Variants in BNIP3L observed in about 807,000 individuals in gnomAD.
BNIP3L encodes the protein BCL2 interacting protein 3 like, also known as BCL2/adenovirus E1B 19 kDa protein-interacting protein 3-like.
BNIP3L carries 10 observed loss-of-function variants against 25.5 expected under a neutral mutation model. The observed-to-expected ratio is 0.39, with a 90% CI of 0.24 to 0.67. The LOEUF (loss-of-function observed/expected upper bound fraction) is 0.67. Among genes scored for constraint, BNIP3L ranks in the 30% least tolerant of loss-of-function variants. The pLI is 0.45. For synonymous variants in BNIP3L, 113 were observed against 101.2 expected, an observed-to-expected ratio of 1.12 and a Z score of -0.70; for missense variants, 215 against 270.9, an observed-to-expected ratio of 0.79 and a Z score of 1.45.
At chr8:26,394,803 G>A (rs1002265604) in intron 2 of BNIP3L, among the ~76,000 whole-genome samples, 2 of 152,260 alleles carry the variant, frequency 1.3e-5, no homozygotes, top group East Asian at 3.9e-4. Context: ...CTCTGAAAGC[G>A]TCTTTGAGAA....
chr8:26,398,956 A>G (rs1806309160), intron 3 of BNIP3L, among the ~76,000 whole-genome samples: 2 of 151,324 alleles, frequency 1.3e-5, no homozygotes, highest in Non-Finnish European at 3.0e-5. Context: ...GTCCAGGACC[A>G]GATGGATTCA....
At chr8:26,394,856 A>G (rs1292061968) in intron 2 of BNIP3L, among the ~76,000 whole-genome samples, 1 of 152,242 alleles carries the variant, frequency 6.6e-6, no homozygotes, top group Non-Finnish European at 1.5e-5. Context: ...TTATTTAATG[A>G]TGAGGGAACT....
rs1563345428 is a variant in BNIP3L at position 26,412,484 on chromosome 8, A to G, written c.*2072A>G. ...ATCAGTGGTGCCACTGAAACTGGGTATATTTATGATTTCTTTCAGCGTTAA... is the reference window on the plus strand; with the variant it reads ...ATCAGTGGTGCCACTGAAACTGGGTGTATTTATGATTTCTTTCAGCGTTAA... On this transcript the variant is annotated 3_prime_UTR_variant, in exon 6 of 6. Coordinates refer to ENST00000380629, the MANE Select transcript of BNIP3L (RefSeq NM_004331.3). 6.6e-6 allele frequency: 1 copy of G among 152,224 alleles called. No individual in the cohort carries two copies. Among genetic ancestry groups the G allele is most frequent in the Non-Finnish European group, 1.5e-5 (1 of 68,038 alleles). The allele number at this position is 152,224 out of a possible 1,614,324, so 9.4% of individuals were successfully genotyped here. A position where few individuals can be genotyped will look rare whatever the true frequency, so the allele number is the denominator to read the frequency against.
intron 3 of BNIP3L, among the ~76,000 whole-genome samples, chr8:26,399,653 G>C (rs1806324879): frequency 1.7e-5 from 1 of 60,300 alleles, no homozygotes; most frequent in Admixed American, 1.5e-4. Flanking sequence ...TGACATGATT[G>C]TTTATCTAGA....
intron 2 of BNIP3L, 94 bp from the exon 3 acceptor site, chr8:26,395,136 C>T (rs1806205383): frequency 1.5e-6 from 2 of 1,316,182 alleles, no homozygotes; most frequent in Non-Finnish European, 2.1e-6. Flanking sequence ...CAAAGCCATA[C>T]TGCTGTAACT....
At chr8:26,392,328 A>T (rs1343865427) in intron 2 of BNIP3L, among the ~76,000 whole-genome samples, 1 of 152,152 alleles carries the variant, frequency 6.6e-6, no homozygotes, top group South Asian at 2.1e-4. Flanking sequence ...AATGCACGGG[A>T]AGCAGATTAA....
At chr8:26,385,899 C>T (rs1805982270) in intron 1 of BNIP3L, among the ~76,000 whole-genome samples, 1 of 152,124 alleles carries the variant, frequency 6.6e-6, no homozygotes, top group Non-Finnish European at 1.5e-5. Flanking sequence ...TTTTTTAGCT[C>T]ATTACACAAC....
chr8:26,407,212 G>A (rs961993611), intron 3 of BNIP3L, among the ~76,000 whole-genome samples: 4 of 149,266 alleles, frequency 2.7e-5, no homozygotes, highest in South Asian at 2.1e-4. Context: ...TTGAGGCGGA[G>A]TCTCGCTCTT....
intron 3 of BNIP3L, among the ~76,000 whole-genome samples, chr8:26,405,987 G>A (rs1345071843): frequency 6.6e-6 from 1 of 152,234 alleles, no homozygotes; most frequent in Non-Finnish European, 1.5e-5. Flanking sequence ...AGGTTGCAGT[G>A]AGCCAAGGTC....
intron 3 of BNIP3L, chr8:26,395,554 A>G (rs1217987216): frequency 4.7e-6 from 2 of 428,676 alleles, no homozygotes. Context: ...ACTCCAGGCT[A>G]GTTTCTTGAG....
At chr8:26,406,829 A>G (rs1334654416) in intron 3 of BNIP3L, among the ~76,000 whole-genome samples, 1 of 151,940 alleles carries the variant, frequency 6.6e-6, no homozygotes, top group Non-Finnish European at 1.5e-5. Flanking sequence ...AAAAAAAAAA[A>G]TGCATGTAAC....
At chr8:26,391,001 A>ATTTTTTTTCAGTTTTTTT (rs1395356414) in intron 1 of BNIP3L, among the ~76,000 whole-genome samples, 4 of 152,186 alleles carry the variant, frequency 2.6e-5, no homozygotes, top group Non-Finnish European at 2.9e-5. Flanking sequence ...TTGACTGAAA[A>ATTTTTTTTCAGTTTTTTT]ACACGTTTTC....
chr8:26,400,588 T>C (rs1322134694), intron 3 of BNIP3L, among the ~76,000 whole-genome samples: 2 of 141,472 alleles, frequency 1.4e-5, no homozygotes, highest in African/African-American at 5.3e-5. Flanking sequence ...ACTAAAGAGC[T>C]TCTACACAGC....
intron 3 of BNIP3L, among the ~76,000 whole-genome samples, chr8:26,398,795 G>A (rs891921411): frequency 6.6e-6 from 1 of 152,122 alleles, no homozygotes; most frequent in South Asian, 2.1e-4. Context: ...ACACCTCTAC[G>A]CAAATAAACT....
intron 1 of BNIP3L, chr8:26,390,533 A>C: frequency 7.1e-6 from 7 of 985,312 alleles, no homozygotes; most frequent in Non-Finnish European, 8.4e-6. Flanking sequence ...TTTAGTGTAT[A>C]AAAAAGGAGA....
chr8:26,406,508 A>T lies in BNIP3L; in HGVS notation c.358-1492A>T, dbSNP rs78202832. On this transcript the variant is annotated intron_variant, in intron 3 of 5. Transcript: ENST00000380629. ...TTTTAATAATTATTTTTATAGGGTT[A>T]TTTGTTGCAAGGTGAAAGTTAATGC... 2.6e-4 allele frequency among the ~76,000 whole-genome samples: 40 copies of T among 152,146 alleles called. No homozygotes were observed. The East Asian group carries it at 7.6e-3, about 29-fold the overall frequency.
chr8:26,396,660 A>T (rs1806255559), intron 3 of BNIP3L, among the ~76,000 whole-genome samples: 1 of 151,550 alleles, frequency 6.6e-6, no homozygotes, highest in Admixed American at 6.6e-5. Flanking sequence ...AAGGCTTCAG[A>T]CGATCAAATT....
At chr8:26,385,602 C>CA (rs56114719) in intron 1 of BNIP3L, among the ~76,000 whole-genome samples, 915 of 49,930 alleles carry the variant, frequency 0.018, 15 homozygotes, top group African/African-American at 0.062. Context: ...GACTCTGTCT[C>CA]AAAAAAAAAA....
chr8:26,405,950 G>A (rs563921219), intron 3 of BNIP3L, among the ~76,000 whole-genome samples: 1 of 152,224 alleles, frequency 6.6e-6, no homozygotes, highest in African/African-American at 2.4e-5. Flanking sequence ...AGCTGAGGCA[G>A]GAGAATTGCT....
Sources: allele counts gnomAD v4.1 joint callset (sites outside exome capture counted in the v4.1 genomes callset), GRCh38; gene constraint gnomAD v4.1.1; transcripts MANE v1.5; gene names NCBI Gene and HGNC (gene_info 2026-07-23, HGNC 2026-07-21).